Variants in MYO1D observed in about 807,000 individuals in gnomAD.
MYO1D encodes the protein unconventional myosin-Id.
In MYO1D, 83 loss-of-function variants were observed where a neutral mutation model predicts 122.0. The observed-to-expected ratio is 0.68, with a 90% CI of 0.57 to 0.82. MYO1D has a LOEUF of 0.82. Among genes scored for constraint, MYO1D ranks in the 40% least tolerant of loss-of-function variants. The pLI is 0.00. For synonymous variants in MYO1D, 464 were observed against 446.9 expected (o/e 1.04, Z -0.48); for missense variants, 1,157 against 1,269.5 (o/e 0.91, Z 1.35).
chr17:32,523,568 T>A (rs1910231605), intron 21 of MYO1D: 1 of 152,182 alleles, frequency 6.6e-6, no homozygotes, highest in African/African-American at 2.4e-5. Flanking sequence ...TTCAGTCTCA[T>A]GACAAAACAG....
chr17:32,550,989 A>C (rs2150884113), intron 21 of MYO1D, among the ~76,000 whole-genome samples: 1 of 152,264 alleles, frequency 6.6e-6, no homozygotes, highest in African/African-American at 2.4e-5. Flanking sequence ...AGAAATGATA[A>C]TAGTGAAATA....
In MYO1D at chr17:32,654,603, G is replaced by A; in HGVS notation, c.2364C>T (p.Leu788=). 1 of 1,611,536 alleles carries A rather than the reference G, an allele frequency of 6.2e-7. No individual in the cohort carries two copies. Among genetic ancestry groups the A allele is most frequent in the Middle Eastern group, 1.7e-4 (1 of 6,036 alleles). Residue 788 remains leucine, a synonymous_variant, in exon 18 of 22, where the codon CTC becomes CTT. Coordinates refer to ENST00000318217, the MANE Select transcript of MYO1D (RefSeq NM_015194.3). The part of the protein sequence containing the change: ...TIFNRWRASQ[L]IKSIPASDLP... ...GGTCTGAGGCCGGAATGCTCTTGAT[G>A]AGCTGGGATGCTCTCCATCTACAAG...
intron 21 of MYO1D, among the ~76,000 whole-genome samples, chr17:32,524,288 A>G (rs1055652988): frequency 3.3e-5 from 5 of 152,140 alleles, no homozygotes; most frequent in Non-Finnish European, 7.4e-5. Context: ...TCTTCCCTCT[A>G]TTGGTGAGAA....
At chr17:32,680,679 A>AT (rs1484296961) in intron 16 of MYO1D, among the ~76,000 whole-genome samples, 1 of 150,682 alleles carries the variant, frequency 6.6e-6, no homozygotes, top group Non-Finnish European at 1.5e-5. Context: ...TTTATTGAGG[A>AT]TTTTTGCATC....
At chr17:32,495,102 A>G (rs1169814527) in intron 21 of MYO1D, among the ~76,000 whole-genome samples, 187 bp from the exon 22 acceptor site, 1 of 152,212 alleles carries the variant, frequency 6.6e-6, no homozygotes, top group Non-Finnish European at 1.5e-5. Context: ...GCCTCCAACC[A>G]CAGCCTCGGC....
Position 32,778,518 on chromosome 17 carries a change from C to T in MYO1D, c.360G>A (p.Ala120=), listed in dbSNP as rs143314446. ...CTCTCTGACTGGGGTTGGTGATGGC[C>T]GCAATATACTGCATAATGTACTTAC... The part of the protein sequence containing the change: ...EASKYIMQYI[A]AITNPSQRAE... Residue 120 remains alanine (A), a synonymous_variant, in exon 3 of 22, where the codon GCG becomes GCA. Coordinates refer to ENST00000318217, the MANE Select transcript of MYO1D (RefSeq NM_015194.3). 4.4e-4 allele frequency: 706 copies of T among 1,614,058 alleles called. 5 individuals are homozygous for T. The highest frequency in any genetic ancestry group is 3.3e-3 in the Middle Eastern group (20 of 6,060).
At chr17:32,659,034 T>A in intron 17 of MYO1D, 81 bp downstream of exon 17, 7 of 1,275,704 alleles carry the variant, frequency 5.5e-6, no homozygotes, top group Non-Finnish European at 7.9e-6. Flanking sequence ...TGAGTCAATA[T>A]CACGGTCTCA....
At chr17:32,524,705 G>GGC (rs1910282611) in intron 21 of MYO1D, among the ~76,000 whole-genome samples, 1 of 151,858 alleles carries the variant, frequency 6.6e-6, no homozygotes, top group Non-Finnish European at 1.5e-5. Flanking sequence ...TGGGATTACA[G>GGC]GTGCCCACCA....
At chr17:32,684,821 C>A (rs1234050287) in intron 16 of MYO1D, among the ~76,000 whole-genome samples, 1 of 152,182 alleles carries the variant, frequency 6.6e-6, no homozygotes, top group Admixed American at 6.5e-5. Flanking sequence ...TGCCAATGAA[C>A]AACTTGATGC....
intron 21 of MYO1D, among the ~76,000 whole-genome samples, chr17:32,514,731 T>C (rs1420349262): frequency 6.6e-6 from 1 of 152,250 alleles, no homozygotes; most frequent in Non-Finnish European, 1.5e-5. Flanking sequence ...TCTCAGATAC[T>C]GATCGTTCTT....
chr17:32,649,697 G>A (rs1024505095), intron 19 of MYO1D, among the ~76,000 whole-genome samples: 17 of 151,050 alleles, frequency 1.1e-4, no homozygotes, highest in Non-Finnish European at 2.1e-4. Context: ...TCAGCCTCCC[G>A]AGCAGCTGGG....
chr17:32,808,683 G>C (rs1016048805), intron 1 of MYO1D, among the ~76,000 whole-genome samples: 1 of 152,174 alleles, frequency 6.6e-6, no homozygotes, highest in Non-Finnish European at 1.5e-5. Context: ...TCATGAATGA[G>C]ACTAGTGCCC....
At chr17:32,513,415 T>C (rs1239877367) in intron 21 of MYO1D, among the ~76,000 whole-genome samples, 1 of 152,132 alleles carries the variant, frequency 6.6e-6, no homozygotes, top group African/African-American at 2.4e-5. Flanking sequence ...TGAGCTCATG[T>C]GATGGAGAAG....
At chr17:32,818,595 C>CTAGCCT (rs1352755524) in intron 1 of MYO1D, among the ~76,000 whole-genome samples, 3 of 152,222 alleles carry the variant, frequency 2.0e-5, no homozygotes, top group Non-Finnish European at 2.9e-5. Flanking sequence ...TCACTCTTCT[C>CTAGCCT]TAGCCTAAGT....
intron 20 of MYO1D, among the ~76,000 whole-genome samples, chr17:32,608,040 G>T (rs973461153): frequency 6.6e-6 from 1 of 152,092 alleles, no homozygotes; most frequent in African/African-American, 2.4e-5. Context: ...ACTTTTAGGA[G>T]AAAACATAGA....
intron 21 of MYO1D, among the ~76,000 whole-genome samples, chr17:32,582,663 G>C (rs1328797606): frequency 2.6e-5 from 4 of 152,032 alleles, no homozygotes; most frequent in Non-Finnish European, 5.9e-5. Flanking sequence ...GTTCAACTCA[G>C]TTCAACTCAG....
intron 16 of MYO1D, among the ~76,000 whole-genome samples, chr17:32,678,370 C>G (rs9904066): frequency 0.014 from 2,083 of 150,940 alleles, 50 homozygotes; most frequent in African/African-American, 0.048. Flanking sequence ...AACTCGTCAT[C>G]TAGCATTAGG....
rs981185610 is a variant in MYO1D at position 32,849,375 on chromosome 17, T to C, written c.95+27403A>G. ...AAAGACACATGCACACGTATGTTTATTGCAGCATTATTCACAATAGCAAAG... is the reference window on the plus strand; with the variant it reads ...AAAGACACATGCACACGTATGTTTACTGCAGCATTATTCACAATAGCAAAG... On this transcript the variant is annotated intron_variant, in intron 1 of 21. Coordinates refer to ENST00000318217, the MANE Select transcript of MYO1D (RefSeq NM_015194.3). 2.2e-4 allele frequency among the ~76,000 whole-genome samples: 32 copies of C among 148,072 alleles called. 1 individual carries two copies. The highest frequency in any genetic ancestry group is 6.2e-4 in the African/African-American group (24 of 38,450).
In MYO1D at chr17:32,659,316, C is replaced by T. The variant is rs753028339; in HGVS notation, c.2144G>A (p.Arg715His). Residue 715 changes from arginine to histidine, a missense_variant, in exon 17 of 22, where the codon CGC (arginine) becomes CAC (histidine). Physicochemically the swap from Arg to His is conservative, Grantham distance 29. Coordinates refer to ENST00000318217, the MANE Select transcript of MYO1D (RefSeq NM_015194.3). Reference sequence around the variant, plus strand: ...TGCCTTGGTTCTTTTGTACCGCATGCGGGCCAGGGTGCCCCGCCACACCTT... The same window carrying T: ...TGCCTTGGTTCTTTTGTACCGCATGTGGGCCAGGGTGCCCCGCCACACCTT... ...LQKVWRGTLA[R>H]MRYKRTKAAL... The T allele has an allele frequency of 4.3e-6, 7 of 1,613,850 alleles. No individual in the cohort carries two copies. Among genetic ancestry groups the T allele is most frequent in the East Asian group, 2.2e-5 (1 of 44,902 alleles).
Sources: allele counts gnomAD v4.1 joint callset (sites outside exome capture counted in the v4.1 genomes callset), GRCh38; gene constraint gnomAD v4.1.1; transcripts MANE v1.5; gene names NCBI Gene and HGNC (gene_info 2026-07-23, HGNC 2026-07-21).